The following TPRN variants were observed in gnomAD, a reference collection of about 807,000 sequenced individuals.
The protein encoded by TPRN is chromosome 9 open reading frame 75.
Under a neutral mutation model 42.6 loss-of-function variants are expected in TPRN, and 32 were observed. The ratio of observed to expected loss-of-function variants is 0.75; its 90% CI spans 0.57 to 1.01. TPRN has a LOEUF of 1.01. Ranked by LOEUF, TPRN falls within the 50% of genes least tolerant of loss-of-function variation. The pLI is 0.00. For missense variants in TPRN, 1,095 were observed against 957.5 expected, an observed-to-expected ratio of 1.14 and a Z score of -1.90; for synonymous variants, 541 against 445.6, an observed-to-expected ratio of 1.21 and a Z score of -2.70.
chr9:137,199,587 C>T lies in TPRN; in HGVS notation c.1125G>A (p.Gly375=), dbSNP rs1357921027. ...TCTTCCCGAGGGCAGGCGCACCATC[C>T]CCTCCAGGCACCGGCTGGGATCCGA... is the stretch of plus-strand genomic sequence containing the variant. ...QELGSQPVPG[G]DGAPALGKSP... Residue 375 remains glycine (G), a synonymous_variant, in exon 1 of 4, where the codon GGG becomes GGA. Coordinates refer to ENST00000409012, the MANE Select transcript of TPRN (RefSeq NM_001128228.3). The T allele has an allele frequency of 5.8e-6, 9 of 1,555,924 alleles. No individual in the cohort carries two copies. The highest frequency in any genetic ancestry group is 1.9e-5 in the Admixed American group (1 of 51,574).
intron 1 of TPRN, among the ~76,000 whole-genome samples, chr9:137,197,798 G>A (rs9696566): frequency 3.2e-4 from 48 of 152,302 alleles, no homozygotes; most frequent in African/African-American, 1.1e-3. Context: ...ATAGACCCAC[G>A]TGGCTCCAGG....
chr9:137,199,487 G>A lies in TPRN; in HGVS notation c.1225C>T (p.Arg409Trp), dbSNP rs754469652. 5.0e-6 allele frequency: 8 copies of A among 1,588,794 alleles called. No homozygotes were observed. In the Admixed American group the frequency reaches 1.1e-4, roughly 21 times the overall value. ...GACGGCCTCTGCCACCTAATAGCCCGGTCAGCGAGGGCGGTGGCTGTCCTG... is the reference window on the plus strand; with the variant it reads ...GACGGCCTCTGCCACCTAATAGCCCAGTCAGCGAGGGCGGTGGCTGTCCTG... ...CPRTATALADRAIRWQRPSSP... is the reference protein window; with the variant it reads ...CPRTATALADWAIRWQRPSSP... Residue 409 changes from arginine to tryptophan, a missense_variant, in exon 1 of 4, where the codon CGG becomes TGG. Arg to Trp is a moderately radical substitution (Grantham distance 101). Transcript: ENST00000409012.
At chr9:137,198,147 G>GC (rs770554156) in intron 1 of TPRN, among the ~76,000 whole-genome samples, 8 of 152,152 alleles carry the variant, frequency 5.3e-5, no homozygotes, top group Admixed American at 1.3e-4. Context: ...CGCCCCAGGC[G>GC]CCCCCCCTCA....
intron 1 of TPRN, chr9:137,194,625 A>G (rs1834679747): frequency 6.6e-6 from 1 of 152,212 alleles, no homozygotes; most frequent in Non-Finnish European, 1.5e-5. Context: ...ATGGGCCCTG[A>G]GCCTGGTACA....
Position 137,192,193 on chromosome 9 carries a change from A to G in TPRN, c.2074-19T>C. The G allele has an allele frequency of 6.2e-7, 1 of 1,613,438 alleles. No homozygotes were observed. Among genetic ancestry groups the G allele is most frequent in the Non-Finnish European group, 8.5e-7 (1 of 1,179,992 alleles). On this transcript the variant is annotated intron_variant, in intron 3 of 3. Transcript: ENST00000409012. ...GTGTGAGCTGAAAGTGAGAGGACAG[A>G]ATGTGGACACATGGGCTCGCCCGGG...
chr9:137,200,547 C>A lies in TPRN; in HGVS notation c.165G>T (p.Pro55=). The A allele has an allele frequency of 8.6e-7, 1 of 1,160,102 alleles. No homozygotes were observed. 71.9% of individuals were successfully genotyped at this position (1,160,102 alleles called of 1,614,324 possible). A position where few individuals can be genotyped will look rare whatever the true frequency, so the allele number is the denominator to read the frequency against. The change falls in exon 1 of 4, where the codon CCG becomes CCT. Residue 55 remains proline, a synonymous_variant. Transcript: ENST00000409012. The surrounding 1 kb of genome is among the most constrained non-coding windows in gnomAD (Gnocchi z 4.3). ...GCAGCATGAACGGGTTCTCGCGCAG[C>A]GGGCCCAGGCTCTCGGCCAGCACCC... is the stretch of plus-strand genomic sequence containing the variant. ...EQRVLAESLG[P]LRENPFMLLE...
rs749999995 is a variant in TPRN, at chr9:137,199,849, G to T, written c.863C>A (p.Ser288Tyr). The T allele has an allele frequency of 6.4e-7, 1 of 1,561,266 alleles. No homozygotes were observed. Among genetic ancestry groups the T allele is most frequent in the African/African-American group, 1.4e-5 (1 of 73,718 alleles). ...GGAGTCGTTGGTGCTGGTGGCTGCGGAGACGCACTGGCGCTGGCTAGGAGT... is the reference window on the plus strand; with the variant it reads ...GGAGTCGTTGGTGCTGGTGGCTGCGTAGACGCACTGGCGCTGGCTAGGAGT... The part of the protein sequence containing the change: ...SATPSQRQCV[S>Y]AATSTNDSFE... The change falls in exon 1 of 4, where the codon TCC becomes TAC. Residue 288 changes from serine to tyrosine, a missense_variant. Coordinates refer to ENST00000409012, the MANE Select transcript of TPRN (RefSeq NM_001128228.3).
In TPRN at chr9:137,199,173, C is replaced by T. The variant is rs374992149; in HGVS notation, c.1539G>A (p.Gln513=). ...TGTTGGCCTGACTGAAGTGCTGGTC[C>T]TGCAGAGTCCCTGGCTTCCTCTTGG... ...VVPKRKPGTL[Q]DQHFSQANRE... Residue 513 remains glutamine (Q), a synonymous_variant, in exon 1 of 4, where the codon CAG becomes CAA. Coordinates refer to ENST00000409012, the MANE Select transcript of TPRN (RefSeq NM_001128228.3). 2.5e-6 allele frequency: 4 copies of T among 1,613,246 alleles called. No homozygotes were observed. The highest frequency in any genetic ancestry group is 3.4e-6 in the Non-Finnish European group (4 of 1,180,024).
rs973998135 is a variant in TPRN at position 137,200,696 on chromosome 9, G to A, written c.16C>T (p.Arg6Trp). 3 of 1,196,042 alleles carry A rather than the reference G, an allele frequency of 2.5e-6. No individual in the cohort carries two copies. The highest frequency in any genetic ancestry group is 2.5e-5 in the South Asian group (1 of 40,792). The allele number at this position is 1,196,042 out of a possible 1,614,324, so 74.1% of individuals were successfully genotyped here. ...GCAGCGCGCGGCCCCGAGCCCGGCC[G>A]CCCCAGGGCGGCCATGCTGCGAACG... MAALG[R>W]PGSGPRAAVP... The change falls in exon 1 of 4, where the codon CGG becomes TGG. Residue 6 changes from arginine (R) to tryptophan (W), a missense_variant. Arg to Trp is a moderately radical substitution (Grantham distance 101). Coordinates refer to ENST00000409012, the MANE Select transcript of TPRN (RefSeq NM_001128228.3). This position sits in a 1 kb window ranked among gnomAD's most constrained non-coding sequence, Gnocchi z 4.3.
In TPRN at chr9:137,192,618, T is replaced by C; in HGVS notation, c.1799A>G (p.Glu600Gly). 1 of 1,613,826 alleles carries C rather than the reference T, an allele frequency of 6.2e-7. No homozygotes were observed. Reference protein sequence around the residue: ...EYPSESSLEQEEEVDQQEEEE... With the variant: ...EYPSESSLEQGEEVDQQEEEE... The stretch of plus-strand genomic sequence containing the variant: ...CTCCTCCTGCTGGTCCACCTCTTCC[T>C]CCTGCTCTAGGGAGCTCTCGGAAGG... Residue 600 changes from glutamate to glycine, a missense_variant, in exon 2 of 4, where the codon GAG becomes GGG. Glu to Gly is a moderately conservative substitution (Grantham distance 98). Transcript: ENST00000409012.
chr9:137,192,852 C>T, intron 1 of TPRN, 161 bp from the exon 2 acceptor site: 1 of 728,896 alleles, frequency 1.4e-6, no homozygotes, highest in South Asian at 1.7e-5. Flanking sequence ...AGCTCTCCAG[C>T]TGGACCCTGC....
rs1834776326 is a variant in TPRN, at chr9:137,199,939, G to T, written c.773C>A (p.Ser258Tyr). ...CCCGGGGCTGGGGGGCGGGTGGAGG[G>T]AGGGATCCCCCGACTCCACCTTTGG... ...WKPKVESGDP[S>Y]LHPPPSPGTP... Residue 258 changes from serine (S) to tyrosine (Y), a missense_variant, in exon 1 of 4, where the codon TCC becomes TAC. Physicochemically the swap from Ser to Tyr is moderately radical, Grantham distance 144 (BLOSUM62 -2). Transcript: ENST00000409012. The T allele has an allele frequency of 1.8e-6, 1 of 556,136 alleles. No individual in the cohort carries two copies. The highest frequency in any genetic ancestry group is 3.0e-6 in the Non-Finnish European group (1 of 331,444). The allele number at this position is 556,136 out of a possible 1,614,324, so 34.5% of individuals were successfully genotyped here. A position where few individuals can be genotyped will look rare whatever the true frequency, so the allele number is the denominator to read the frequency against.
At chr9:137,197,605 G>T (rs9696552) in intron 1 of TPRN, among the ~76,000 whole-genome samples, 2 of 152,224 alleles carry the variant, frequency 1.3e-5, no homozygotes, top group East Asian at 1.9e-4. Context: ...TACAAAGGGG[G>T]AGCTGTCCCC....
chr9:137,198,293 C>T (rs945500481), intron 1 of TPRN, among the ~76,000 whole-genome samples: 4 of 152,106 alleles, frequency 2.6e-5, no homozygotes, highest in Admixed American at 6.5e-5. Context: ...GATTTTTTTT[C>T]CTGTGCCCAG....
intron 1 of TPRN, chr9:137,192,960 C>T (rs1056379417): frequency 3.8e-6 from 2 of 531,708 alleles, no homozygotes. Flanking sequence ...CCTCTGGGTC[C>T]CCAGAAGCCT....
chr9:137,199,529 C>T lies in TPRN; in HGVS notation c.1183G>A (p.Glu395Lys), dbSNP rs770777586. The T allele has an allele frequency of 3.2e-6, 5 of 1,568,134 alleles. No individual in the cohort carries two copies. Among genetic ancestry groups the T allele is most frequent in the African/African-American group, 2.7e-5 (2 of 73,784 alleles). Reference sequence around the variant, plus strand: ...GCTGTCCTGGGACAGGCCCCCTCCTCGACTGCCCACTGTGCCTCGACCTCC... The same window carrying T: ...GCTGTCCTGGGACAGGCCCCCTCCTTGACTGCCCACTGTGCCTCGACCTCC... ...PLEVEAQWAV[E>K]EGACPRTATA... Residue 395 changes from glutamate (E) to lysine (K), a missense_variant, in exon 1 of 4, where the codon GAG becomes AAG. Physicochemically the swap from Glu to Lys is moderately conservative, Grantham distance 56 (BLOSUM62 1). Transcript: ENST00000409012.
chr9:137,200,425 CT>C lies in TPRN; in HGVS notation c.286del (p.Ser96AlafsTer354). ...GGGCACCGTCTCGATGATGAGGACGCTGTCGGCGCGGAGGGCGCGCACGCCA... is the reference window on the plus strand; with the variant it reads ...GGGCACCGTCTCGATGATGAGGACGCGTCGGCGCGGAGGGCGCGCACGCCA... ...VPGVRALRAD[S>X]VLIIETVPGF... On this transcript the variant is annotated frameshift_variant, in exon 1 of 4. Coordinates refer to ENST00000409012, the MANE Select transcript of TPRN (RefSeq NM_001128228.3). LOFTEE classifies it high-confidence loss of function. This position sits in a 1 kb window ranked among gnomAD's most constrained non-coding sequence, Gnocchi z 4.3. 8.9e-7 allele frequency: 1 copy of C among 1,123,044 alleles called. No individual in the cohort carries two copies. 69.6% of individuals were successfully genotyped at this position (1,123,044 alleles called of 1,614,324 possible). A position where few individuals can be genotyped will look rare whatever the true frequency, so the allele number is the denominator to read the frequency against.
intron 1 of TPRN, chr9:137,194,383 A>C (rs2131350126): frequency 6.6e-6 from 1 of 152,324 alleles, no homozygotes; most frequent in Non-Finnish European, 1.5e-5. Context: ...GAGGTGCTCA[A>C]GGCAGGACAG....
At chr9:137,193,129 C>T (rs1834651968) in intron 1 of TPRN, 1 of 205,894 alleles carries the variant, frequency 4.9e-6, no homozygotes, top group African/African-American at 2.3e-5. Context: ...AGGGGCCTTG[C>T]ACTCTAGGCT....
Sources: gnomAD v4.1 joint callset for allele counts (sites outside exome capture counted in the v4.1 genomes callset) on GRCh38, gnomAD v4.1.1 for gene constraint, Gnocchi (gnomAD v3.1) non-coding constraint, MANE v1.5 for transcripts, NCBI Gene and HGNC (gene_info 2026-07-23, HGNC 2026-07-21) for gene names.